Variants in SCOC observed in about 807,000 individuals in gnomAD.
SCOC encodes short coiled-coil protein.
A neutral mutation model predicts 9.9 loss-of-function variants in SCOC; 7 were observed. The observed-to-expected ratio is 0.71, with a 90% CI of 0.40 to 1.33. The LOEUF (loss-of-function observed/expected upper bound fraction) is 1.33, where lower values mean the gene tolerates loss of function less well. Ranked by LOEUF, SCOC falls within the 40% of genes most tolerant of loss-of-function variation. The probability of loss-of-function intolerance (pLI) is 0.01; values close to 1 mark genes in which losing one functional copy is unlikely to be tolerated. For synonymous variants in SCOC, 19 were observed against 28.2 expected (o/e 0.67, Z 1.03); for missense variants, 66 against 89.7 (o/e 0.74, Z 1.07).
chr4:140,276,196 G>T (rs972617067), intron 1 of SCOC, among the ~76,000 whole-genome samples: 6 of 152,110 alleles, frequency 3.9e-5, no homozygotes, highest in Non-Finnish European at 5.9e-5. Flanking sequence ...TAGAGATGGG[G>T]TTTCACCGTG....
chr4:140,292,248 G>T (rs568051513), intron 1 of SCOC, among the ~76,000 whole-genome samples: 2 of 150,304 alleles, frequency 1.3e-5, no homozygotes, highest in East Asian at 3.9e-4. Flanking sequence ...GAGTGCAGTA[G>T]CATGATCTTG....
chr4:140,336,674 T>C (rs1732967035), intron 1 of SCOC, among the ~76,000 whole-genome samples: 1 of 152,214 alleles, frequency 6.6e-6, no homozygotes, highest in Non-Finnish European at 1.5e-5. Flanking sequence ...CTATAAATAA[T>C]GCTGCTATAA....
At chr4:140,314,896 G>T (rs1732268742) in intron 1 of SCOC, among the ~76,000 whole-genome samples, 1 of 152,128 alleles carries the variant, frequency 6.6e-6, no homozygotes, top group Non-Finnish European at 1.5e-5. Context: ...GTGGTTGTGT[G>T]GTTGCTGAAT....
upstream of SCOC, among the ~76,000 whole-genome samples, chr4:140,340,151 G>C (rs536518092): frequency 6.6e-6 from 1 of 152,190 alleles, no homozygotes; most frequent in East Asian, 1.9e-4. Context: ...TCCTTTGTAG[G>C]GACATGGATG....
At chr4:140,374,207 C>T (rs1438379892) in intron 1 of SCOC, 1 of 455,656 alleles carries the variant, frequency 2.2e-6, no homozygotes, top group South Asian at 1.6e-5. Flanking sequence ...TTCCAGGCGG[C>T]GAAAGCGGCA....
At chr4:140,373,384 C>T (rs1728146790), upstream of SCOC, 10 of 1,457,302 alleles carry the variant, frequency 6.9e-6, no homozygotes, top group Non-Finnish European at 9.1e-6. Context: ...ACCAGCGCCG[C>T]TTAGCTTCGC....
chr4:140,326,172 T>C (rs574656667), intron 1 of SCOC, among the ~76,000 whole-genome samples: 1 of 152,012 alleles, frequency 6.6e-6, no homozygotes, highest in African/African-American at 2.4e-5. Context: ...GTTAGCAGGG[T>C]TGAGGGAAAC....
chr4:140,340,392 T>C (rs1726459218), upstream of SCOC, among the ~76,000 whole-genome samples: 1 of 151,896 alleles, frequency 6.6e-6, no homozygotes, highest in Admixed American at 6.6e-5. Context: ...ATGGCACATG[T>C]TATATACATG....
chr4:140,330,972 C>G (rs1247500716), intron 1 of SCOC, among the ~76,000 whole-genome samples: 3 of 152,064 alleles, frequency 2.0e-5, no homozygotes, highest in Non-Finnish European at 4.4e-5. Flanking sequence ...AAAGGCATAC[C>G]TGGGAGGTTT....
intron 1 of SCOC, among the ~76,000 whole-genome samples, chr4:140,275,355 G>T (rs1730956864): frequency 2.0e-5 from 3 of 152,198 alleles, no homozygotes; most frequent in African/African-American, 7.2e-5. Flanking sequence ...CAGCCAGCTA[G>T]TCACATCCTG....
At chr4:140,324,315 G>A (rs973941865) in intron 1 of SCOC, among the ~76,000 whole-genome samples, 1 of 152,224 alleles carries the variant, frequency 6.6e-6, no homozygotes, top group African/African-American at 2.4e-5. Flanking sequence ...TGTCCTCTCT[G>A]ACTATCCCCA....
At chr4:140,319,533 A>G (rs1353628581) in intron 1 of SCOC, among the ~76,000 whole-genome samples, 1 of 152,146 alleles carries the variant, frequency 6.6e-6, no homozygotes, top group African/African-American at 2.4e-5. Context: ...AGTGACCCCA[A>G]ATTTCATTTT....
intron 1 of SCOC, among the ~76,000 whole-genome samples, chr4:140,307,213 A>G (rs1255063846): frequency 1.3e-5 from 2 of 152,144 alleles, no homozygotes; most frequent in African/African-American, 4.8e-5. Flanking sequence ...TGTTGCCTAT[A>G]ATTACTCAGT....
intron 1 of SCOC, among the ~76,000 whole-genome samples, chr4:140,315,181 G>C (rs141375445): frequency 1.7e-3 from 257 of 152,290 alleles, no homozygotes; most frequent in African/African-American, 5.8e-3. Flanking sequence ...CTCTTCCCCT[G>C]TGTGTCAAAG....
At chr4:140,374,552 T>C (rs549366445) in intron 1 of SCOC, among the ~76,000 whole-genome samples, 1 of 152,180 alleles carries the variant, frequency 6.6e-6, no homozygotes, top group Non-Finnish European at 1.5e-5. Flanking sequence ...AATTTGAAAC[T>C]GGATTTATTT....
chr4:140,379,565 A>G lies in SCOC; in HGVS notation c.23-4A>G. The G allele has an allele frequency of 1.2e-6, 2 of 1,604,626 alleles. No individual in the cohort carries two copies. Among genetic ancestry groups the G allele is most frequent in the African/African-American group, 1.3e-5 (1 of 74,808 alleles). ...AATAGTAAATTTGAACCTTTATATT[A>G]CAGCAGTTGATGCTGAAAATCAAGT... On this transcript the variant is annotated splice_region_variant and splice_polypyrimidine_tract_variant and intron_variant, in intron 2 of 3. Transcript: ENST00000608372.
intron 1 of SCOC, among the ~76,000 whole-genome samples, chr4:140,272,346 C>T (rs769928229): frequency 5.9e-5 from 9 of 152,068 alleles, no homozygotes; most frequent in African/African-American, 1.7e-4. Context: ...TTAGCCACTG[C>T]GCCCAGCCTG....
At chr4:140,258,647 G>A (rs894872769) in intron 1 of SCOC, among the ~76,000 whole-genome samples, 4 of 152,192 alleles carry the variant, frequency 2.6e-5, no homozygotes, top group Non-Finnish European at 4.4e-5. Context: ...GCTTTAGATT[G>A]TGTCTGAGTT....
intron 1 of SCOC, among the ~76,000 whole-genome samples, chr4:140,301,835 T>C (rs964079749): frequency 1.3e-5 from 2 of 152,218 alleles, no homozygotes; most frequent in African/African-American, 4.8e-5. Context: ...TTATTGTTTG[T>C]TTGTTTGTTT....
Sources: allele counts gnomAD v4.1 joint callset (sites outside exome capture counted in the v4.1 genomes callset), GRCh38; gene constraint gnomAD v4.1.1; transcripts MANE v1.5; gene names NCBI Gene and HGNC (gene_info 2026-07-23, HGNC 2026-07-21).